The following H2AZ1 variants were observed in gnomAD, a reference collection of about 807,000 sequenced individuals.
H2AZ1 encodes H2A.Z variant histone 1.
In H2AZ1, 3 loss-of-function variants were observed where a neutral mutation model predicts 16.6. That is an observed-to-expected ratio of 0.18 (90% CI 0.08 to 0.47). The LOEUF (loss-of-function observed/expected upper bound fraction) is 0.47, where lower values mean the gene tolerates loss of function less well. H2AZ1 is among the 20% of genes least tolerant of loss of function. The probability of loss-of-function intolerance (pLI) is 0.98; values close to 1 mark genes in which losing one functional copy is unlikely to be tolerated. For synonymous variants in H2AZ1, 78 were observed against 60.7 expected, an observed-to-expected ratio of 1.28 and a Z score of -1.32; for missense variants, 27 against 163.6, an observed-to-expected ratio of 0.17 and a Z score of 4.55.
rs780875045 is a variant in H2AZ1, at chr4:99,949,391, A to T, written c.82-5T>A. 6.5e-7 allele frequency: 1 copy of T among 1,532,244 alleles called. No homozygotes were observed. Among genetic ancestry groups the T allele is most frequent in the Non-Finnish European group, 9.0e-7 (1 of 1,105,542 alleles). The allele number at this position is 1,532,244 out of a possible 1,614,324, so 94.9% of individuals were successfully genotyped here. A position where few individuals can be genotyped will look rare whatever the true frequency, so the allele number is the denominator to read the frequency against. ...ATGAATACGGCCCACTGGGAACTTA[A>T]ATTTTAAGCATACACAAACATAAAT... On this transcript the variant is annotated splice_polypyrimidine_tract_variant and splice_region_variant and intron_variant, in intron 2 of 4. Transcript: ENST00000296417.
intron 2 of H2AZ1, 45 bp downstream of exon 2, chr4:99,949,618 A>C (rs760515871): frequency 1.3e-6 from 2 of 1,562,946 alleles, no homozygotes; most frequent in Admixed American, 3.3e-5. Flanking sequence ...AAGGAAATGC[A>C]AAGAAAAACA....
chr4:99,949,437 G>T (rs377735103), intron 2 of H2AZ1, 51 bp from the exon 3 acceptor site: 5 of 1,250,740 alleles, frequency 4.0e-6, no homozygotes, highest in South Asian at 3.6e-5. Context: ...GAGAACTAGA[G>T]ATGGGGAAAT....
chr4:99,948,999 C>G (rs1727204937), intron 3 of H2AZ1, 59 bp from the exon 4 acceptor site: 1 of 1,023,472 alleles, frequency 9.8e-7, no homozygotes, highest in African/African-American at 1.6e-5. Context: ...ATTCAGAGAA[C>G]AGAATAAAAC....
chr4:99,949,538 C>T, intron 2 of H2AZ1, 125 bp downstream of exon 2: 1 of 1,041,012 alleles, frequency 9.6e-7, no homozygotes, highest in East Asian at 2.4e-5. Flanking sequence ...ATCGTATGGG[C>T]AGCCCAAGTC....
chr4:99,949,910 C>T (rs1036867289), intron 1 of H2AZ1, 170 bp from the exon 2 acceptor site: 23 of 203,784 alleles, frequency 1.1e-4, no homozygotes, highest in Non-Finnish European at 1.8e-4. Flanking sequence ...GTTCGCCCCC[C>T]GCCGCGCGCT....
chr4:99,949,885 G>A (rs1314107988), intron 1 of H2AZ1, 145 bp from the exon 2 acceptor site: 3 of 254,758 alleles, frequency 1.2e-5, no homozygotes, highest in African/African-American at 4.7e-5. Flanking sequence ...GCGCGCCGCA[G>A]GGGCGACCCC....
intron 1 of H2AZ1, 168 bp from the exon 2 acceptor site, chr4:99,949,908 CCCGCCGCGCGCTCGCCA>C (rs1365385986): frequency 2.4e-5 from 5 of 204,580 alleles, no homozygotes; most frequent in East Asian, 1.9e-4. Context: ...CCGTTCGCCC[CCCGCCGCGCGCTCGCCA>C]CGGCCGCGCG....
rs1727188118 is a variant in H2AZ1, at chr4:99,948,456, C to A, written c.*6G>T. Reference sequence around the variant, plus strand: ...GTCCTGAGATAACAAGGAATCCAGGCATCCTTTAGACAGTCTTCTGTTGTC... The same window carrying A: ...GTCCTGAGATAACAAGGAATCCAGGAATCCTTTAGACAGTCTTCTGTTGTC... On this transcript the variant is annotated 3_prime_UTR_variant, in exon 5 of 5. Coordinates refer to ENST00000296417, the MANE Select transcript of H2AZ1 (RefSeq NM_002106.4). 2 of 1,445,838 alleles carry A rather than the reference C, an allele frequency of 1.4e-6. No individual in the cohort carries two copies. Among genetic ancestry groups the A allele is most frequent in the East Asian group, 4.5e-5 (2 of 44,034 alleles). 89.6% of individuals were successfully genotyped at this position (1,445,838 alleles called of 1,614,324 possible). A position where few individuals can be genotyped will look rare whatever the true frequency, so the allele number is the denominator to read the frequency against.
intron 2 of H2AZ1, 130 bp downstream of exon 2, chr4:99,949,533 A>T (rs1174597823): frequency 6.9e-6 from 7 of 1,007,862 alleles, no homozygotes; most frequent in Non-Finnish European, 1.1e-5. Flanking sequence ...TATTTATCGT[A>T]TGGGCAGCCC....
chr4:99,949,531 G>A lies in H2AZ1; in HGVS notation c.81+132C>T, dbSNP rs764058769. On this transcript the variant is annotated intron_variant, in intron 2 of 4. Coordinates refer to ENST00000296417, the MANE Select transcript of H2AZ1 (RefSeq NM_002106.4). The stretch of plus-strand genomic sequence containing the variant: ...GTGATTCCTCCCCCCCATATTTATC[G>A]TATGGGCAGCCCAAGTCGCGACACC... 1.1e-5 allele frequency: 11 copies of A among 1,018,536 alleles called. No individual in the cohort carries two copies. The East Asian group carries it at 1.7e-4, about 15-fold the overall frequency. The allele number at this position is 1,018,536 out of a possible 1,614,324, so 63.1% of individuals were successfully genotyped here.
intron 4 of H2AZ1, 79 bp from the exon 5 acceptor site, chr4:99,948,602 G>C (rs1727192848): frequency 6.4e-7 from 1 of 1,567,502 alleles, no homozygotes; most frequent in African/African-American, 1.4e-5. Flanking sequence ...AGTGTATACT[G>C]TTCAACTTGA....
Position 99,948,815 on chromosome 4 carries a change from A to G in H2AZ1, c.321T>C (p.Gly107=), listed in dbSNP as rs1464259305. Residue 107 remains glycine, a synonymous_variant, in exon 4 of 5, where the codon GGT becomes GGC. Transcript: ENST00000296417. The stretch of plus-strand genomic sequence containing the variant: ...AAATGTTAGAAGTTAACATACCACC[A>G]CCAGCAATTGTAGCCTTGATGAGAG... ...LDSLIKATIA[G]GGVIPHIHKS... The G allele has an allele frequency of 6.2e-7, 1 of 1,605,450 alleles. No homozygotes were observed. The highest frequency in any genetic ancestry group is 1.3e-5 in the African/African-American group (1 of 74,492).
chr4:99,948,768 C>A, intron 4 of H2AZ1, 43 bp downstream of exon 4: 1 of 1,569,124 alleles, frequency 6.4e-7, no homozygotes, highest in South Asian at 1.2e-5. Context: ...CAAAAAATTC[C>A]TTCCTCTGAA....
chr4:99,950,092 C>A, intron 1 of H2AZ1, 76 bp downstream of exon 1: 1 of 1,464,784 alleles, frequency 6.8e-7, no homozygotes, highest in East Asian at 2.3e-5. Context: ...CACTTCACCC[C>A]CATCCCTCTG....
chr4:99,950,125 G>A (rs1467541516), intron 1 of H2AZ1, 43 bp downstream of exon 1: 3 of 1,601,930 alleles, frequency 1.9e-6, no homozygotes, highest in African/African-American at 2.7e-5. Context: ...TTCTCTCGCC[G>A]GCAAAAACCC....
chr4:99,948,552 T>C (rs1357099345), intron 4 of H2AZ1, 29 bp from the exon 5 acceptor site: 2 of 1,606,832 alleles, frequency 1.2e-6, no homozygotes, highest in East Asian at 2.2e-5. Flanking sequence ...TTAATTCTAC[T>C]TAAGATTTTT....
At chr4:99,949,870 C>T (rs1446634679) in intron 1 of H2AZ1, 130 bp from the exon 2 acceptor site, 5 of 345,926 alleles carry the variant, frequency 1.4e-5, no homozygotes, top group Admixed American at 6.1e-5. Flanking sequence ...GGTCTCCGGC[C>T]CGCGGCGCGC....
rs1000955299 is a variant in H2AZ1 at position 99,950,229 on chromosome 4, G to A, written c.-59C>T. 14 of 1,560,336 alleles carry A rather than the reference G, an allele frequency of 9.0e-6. No homozygotes were observed. Among genetic ancestry groups the A allele is most frequent in the South Asian group, 2.3e-5 (2 of 88,312 alleles). On this transcript the variant is annotated 5_prime_UTR_variant, in exon 1 of 5. Coordinates refer to ENST00000296417, the MANE Select transcript of H2AZ1 (RefSeq NM_002106.4). ...AGAGAAAAGGCTAATCGGACCCACG[G>A]TGAGATCCCACCACCTACTCCTTCG...
chr4:99,949,729 C>T lies in H2AZ1; in HGVS notation c.15G>A (p.Lys5=), dbSNP rs1216298404. Residue 5 remains lysine (K), a synonymous_variant, in exon 2 of 5, where the codon AAG becomes AAA. Coordinates refer to ENST00000296417, the MANE Select transcript of H2AZ1 (RefSeq NM_002106.4). Reference sequence around the variant, plus strand: ...TGGCCTTTCCGGAGTCCTTTCCAGCCTTACCGCCAGCCTGCGGCGCGCACA... The same window carrying T: ...TGGCCTTTCCGGAGTCCTTTCCAGCTTTACCGCCAGCCTGCGGCGCGCACA... MAGG[K]AGKDSGKAKT... 2 of 1,610,514 alleles carry T rather than the reference C, an allele frequency of 1.2e-6. No individual in the cohort carries two copies. The highest frequency in any genetic ancestry group is 1.7e-6 in the Non-Finnish European group (2 of 1,178,070).
Sources: gnomAD v4.1 joint callset for allele counts on GRCh38, gnomAD v4.1.1 for gene constraint, MANE v1.5 for transcripts, NCBI Gene and HGNC (gene_info 2026-07-23, HGNC 2026-07-21) for gene names.